Variants in CYTH1 observed in about 807,000 individuals in gnomAD.
CYTH1 encodes the protein cytohesin 1.
CYTH1 carries 18 observed loss-of-function variants against 61.8 expected under a neutral mutation model. The ratio of observed to expected loss-of-function variants is 0.29; its 90% CI spans 0.20 to 0.43. The LOEUF is 0.43. Among genes scored for constraint, CYTH1 ranks in the 20% least tolerant of loss-of-function variants. The pLI is 1.00. For synonymous variants in CYTH1, 174 were observed against 184.3 expected (o/e 0.94, Z 0.45); for missense variants, 336 against 510.5 (o/e 0.66, Z 3.29).
chr17:78,699,680 T>C (rs908852636), intron 7 of CYTH1, among the ~76,000 whole-genome samples: 1 of 152,224 alleles, frequency 6.6e-6, no homozygotes, highest in South Asian at 2.1e-4. Flanking sequence ...CTCACAGATA[T>C]ATACTGTAAC....
At chr17:78,755,842 T>G (rs1361788420) in intron 1 of CYTH1, among the ~76,000 whole-genome samples, 1 of 151,426 alleles carries the variant, frequency 6.6e-6, no homozygotes, top group Non-Finnish European at 1.5e-5. Flanking sequence ...GCCCAAGAGG[T>G]TGAGGTTGCA....
chr17:78,776,327 A>T (rs1396516122), intron 1 of CYTH1, among the ~76,000 whole-genome samples: 1 of 152,062 alleles, frequency 6.6e-6, no homozygotes, highest in Non-Finnish European at 1.5e-5. Context: ...TCTGTTTACA[A>T]CCCTGAACAT....
chr17:78,779,160 G>A (rs1395465031), intron 1 of CYTH1, among the ~76,000 whole-genome samples: 1 of 152,070 alleles, frequency 6.6e-6, no homozygotes, highest in Non-Finnish European at 1.5e-5. Context: ...CAGCACTTTG[G>A]GAGGCTTAGG....
intron 11 of CYTH1, 45 bp downstream of exon 11, chr17:78,692,372 G>A: frequency 1.3e-6 from 2 of 1,590,072 alleles, no homozygotes; most frequent in Non-Finnish European, 1.7e-6. Context: ...TGGAACCGGA[G>A]GCCTTGCCCA....
chr17:78,769,782 C>T (rs1373659262), intron 1 of CYTH1, among the ~76,000 whole-genome samples: 2 of 152,088 alleles, frequency 1.3e-5, no homozygotes, highest in African/African-American at 4.8e-5. Flanking sequence ...TTTGGGAGGC[C>T]GAGGCAGGTG....
At chr17:78,701,604 G>A (rs1448324838) in intron 6 of CYTH1, 67 bp downstream of exon 6, 8 of 1,440,360 alleles carry the variant, frequency 5.6e-6, no homozygotes, top group Non-Finnish European at 6.8e-6. Context: ...ATGCCCCCCA[G>A]GACAGACTCA....
chr17:78,676,250 G>A (rs2092697580), intron 13 of CYTH1, 81 bp from the exon 14 acceptor site: 3 of 1,377,062 alleles, frequency 2.2e-6, no homozygotes, highest in East Asian at 2.5e-5. Flanking sequence ...ATTCTCAGGG[G>A]CCCCTCGTGC....
chr17:78,730,271 A>AT (rs1218438579), intron 1 of CYTH1, among the ~76,000 whole-genome samples: 1 of 151,376 alleles, frequency 6.6e-6, no homozygotes, highest in Non-Finnish European at 1.5e-5. Flanking sequence ...CACGCCTTTA[A>AT]TCCCAGCACT....
intron 11 of CYTH1, among the ~76,000 whole-genome samples, chr17:78,686,161 G>A (rs2092814610): frequency 6.6e-6 from 1 of 152,062 alleles, no homozygotes; most frequent in South Asian, 2.1e-4. Flanking sequence ...TTCTCTCATT[G>A]TTTTAATACT....
intron 1 of CYTH1, among the ~76,000 whole-genome samples, chr17:78,715,592 T>C (rs1186510973): frequency 6.6e-6 from 1 of 152,134 alleles, no homozygotes; most frequent in Non-Finnish European, 1.5e-5. Flanking sequence ...GAGAAAACTG[T>C]GTGATACCAA....
Position 78,676,065 on chromosome 17 carries a change from G to A in CYTH1, c.*26C>T, listed in dbSNP as rs772976633. The A allele has an allele frequency of 1.3e-5, 21 of 1,592,164 alleles. 1 individual carries two copies. Among genetic ancestry groups the A allele is most frequent in the East Asian group, 9.0e-5 (4 of 44,354 alleles). ...GAAGAGCAGGAGCTCCAAGGCCCCC[G>A]CAGACCAACGCCCTTGGCTGCACGC... On this transcript the variant is annotated 3_prime_UTR_variant, in exon 14 of 14. Transcript: ENST00000446868.
intron 1 of CYTH1, among the ~76,000 whole-genome samples, chr17:78,754,323 T>C (rs541915705): frequency 2.6e-5 from 4 of 152,274 alleles, no homozygotes; most frequent in South Asian, 4.1e-4. Flanking sequence ...TTTAAGGAAA[T>C]AGAAAATTGT....
chr17:78,772,993 C>G (rs2093477662), intron 1 of CYTH1, among the ~76,000 whole-genome samples: 2 of 152,106 alleles, frequency 1.3e-5, no homozygotes, highest in South Asian at 4.1e-4. Context: ...CCACACCCGG[C>G]TAATTTTTTT....
chr17:78,699,893 G>T (rs760669985), intron 7 of CYTH1, among the ~76,000 whole-genome samples: 1 of 152,156 alleles, frequency 6.6e-6, no homozygotes, highest in Non-Finnish European at 1.5e-5. Flanking sequence ...GGGCTCAAGA[G>T]ATCCTCCTGC....
chr17:78,701,912 T>C (rs1055124635), intron 5 of CYTH1, among the ~76,000 whole-genome samples, 161 bp from the exon 6 acceptor site: 8 of 152,218 alleles, frequency 5.3e-5, no homozygotes, highest in African/African-American at 1.9e-4. Context: ...TGGCTAGCTC[T>C]GCTGACTGGC....
At chr17:78,761,555 G>A (rs1313845302) in intron 1 of CYTH1, among the ~76,000 whole-genome samples, 1 of 152,098 alleles carries the variant, frequency 6.6e-6, no homozygotes, top group Non-Finnish European at 1.5e-5. Context: ...TGGCTAACAC[G>A]GTGAAACCCC....
intron 1 of CYTH1, among the ~76,000 whole-genome samples, chr17:78,737,819 C>A (rs764487483): frequency 6.6e-6 from 1 of 151,948 alleles, no homozygotes; most frequent in Non-Finnish European, 1.5e-5. Context: ...TTTTGGTAGA[C>A]ATTTTCCAGA....
At position 78,708,206 on chromosome 17, in the gene CYTH1, G is replaced by C. The variant is rs2093089126; in HGVS notation, c.161C>G (p.Thr54Arg). The change falls in exon 3 of 14, where the codon ACA becomes AGA. Residue 54 changes from threonine to arginine, a missense_variant. By Grantham distance (71) the Thr-to-Arg change is moderately conservative. This residue lies in a region of CYTH1 where 112 missense variants were observed against 127.1 expected (regional missense o/e 0.88). Coordinates refer to ENST00000446868, the MANE Select transcript of CYTH1 (RefSeq NM_004762.6). ...AGCAGGGCAGACTCACCTTTCCTCT[G>C]TGGATCCCAGGTTTTCAATTTCATT... Reference protein sequence around the residue: ...VANEIENLGSTEERKNMQRNK... With the variant: ...VANEIENLGSREERKNMQRNK... 1 of 1,613,658 alleles carries C rather than the reference G, an allele frequency of 6.2e-7. No individual in the cohort carries two copies. The highest frequency in any genetic ancestry group is 2.2e-5 in the East Asian group (1 of 44,870).
intron 1 of CYTH1, among the ~76,000 whole-genome samples, chr17:78,778,074 A>G (rs2093500204): frequency 1.3e-5 from 2 of 152,020 alleles, no homozygotes; most frequent in Non-Finnish European, 2.9e-5. Context: ...AGGCTGAAGC[A>G]GGCAGATCAA....
Sources: allele counts gnomAD v4.1 joint callset (sites outside exome capture counted in the v4.1 genomes callset), GRCh38; gene constraint gnomAD v4.1.1; regional missense constraint gnomAD v4.1.1; transcripts MANE v1.5; gene names NCBI Gene and HGNC (gene_info 2026-07-23, HGNC 2026-07-21).